Variants in IFT57 observed in about 807,000 individuals in gnomAD.
IFT57 encodes intraflagellar transport protein 57 homolog.
Under a neutral mutation model 56.8 loss-of-function variants are expected in IFT57, and 59 were observed. That is an observed-to-expected ratio of 1.04 (90% CI 0.84 to 1.29). The LOEUF is 1.29. Among genes scored for constraint, IFT57 ranks in the 50% most tolerant of loss-of-function variants. The probability of loss-of-function intolerance (pLI) is 0.00; values close to 1 mark genes in which losing one functional copy is unlikely to be tolerated. For synonymous variants in IFT57, 209 were observed against 186.1 expected (o/e 1.12, Z -1.00); for missense variants, 470 against 522.1 (o/e 0.90, Z 0.97).
chr3:108,212,688 T>C (rs2080349319), intron 4 of IFT57, among the ~76,000 whole-genome samples: 2 of 152,372 alleles, frequency 1.3e-5, no homozygotes, highest in South Asian at 4.1e-4. Flanking sequence ...GCATCTAATC[T>C]ATTTAATAGT....
chr3:108,176,041 T>C (rs1459065981), intron 6 of IFT57, among the ~76,000 whole-genome samples: 2 of 151,824 alleles, frequency 1.3e-5, no homozygotes, highest in African/African-American at 4.8e-5. Flanking sequence ...GTTGAATCAC[T>C]TTCCATCAAA....
intron 6 of IFT57, among the ~76,000 whole-genome samples, chr3:108,183,542 C>T (rs533950943): frequency 1.3e-5 from 2 of 152,132 alleles, no homozygotes; most frequent in African/African-American, 4.8e-5. Flanking sequence ...CTAGTTTAGC[C>T]CACCTGAAGA....
At chr3:108,176,985 A>C (rs1473878197) in intron 6 of IFT57, among the ~76,000 whole-genome samples, 1 of 151,838 alleles carries the variant, frequency 6.6e-6, no homozygotes, top group Non-Finnish European at 1.5e-5. Flanking sequence ...TTTTAAGCAG[A>C]CTGTAAACTC....
intron 5 of IFT57, among the ~76,000 whole-genome samples, chr3:108,203,762 A>G (rs2080292927): frequency 6.6e-6 from 1 of 152,252 alleles, no homozygotes; most frequent in South Asian, 2.1e-4. Context: ...AAAATAAATC[A>G]GTAATTAATA....
At chr3:108,192,130 C>G (rs747183718) in intron 5 of IFT57, among the ~76,000 whole-genome samples, 26 of 134,098 alleles carry the variant, frequency 1.9e-4, no homozygotes, top group Non-Finnish European at 3.7e-4. Flanking sequence ...CAAGATCATG[C>G]TACTGCACTA....
intron 5 of IFT57, among the ~76,000 whole-genome samples, chr3:108,204,775 CTT>C (rs910530829): frequency 5.3e-5 from 8 of 152,148 alleles, no homozygotes; most frequent in African/African-American, 1.9e-4. Flanking sequence ...AAGCAATAGA[CTT>C]GGAGTTTGGA....
chr3:108,191,400 T>G, intron 6 of IFT57, 121 bp downstream of exon 6: 1 of 570,668 alleles, frequency 1.8e-6, no homozygotes, highest in East Asian at 3.2e-5. Context: ...TAAGACAAAA[T>G]GCTGAAAACT....
intron 6 of IFT57, among the ~76,000 whole-genome samples, chr3:108,190,504 C>T (rs933691750): frequency 2.0e-5 from 3 of 152,198 alleles, no homozygotes; most frequent in African/African-American, 7.2e-5. Context: ...ACTTCTTCTC[C>T]TTCCTGCGGC....
intron 1 of IFT57, among the ~76,000 whole-genome samples, chr3:108,220,573 C>A (rs982447505): frequency 1.3e-5 from 2 of 152,138 alleles, no homozygotes; most frequent in Non-Finnish European, 2.9e-5. Flanking sequence ...AGCACCCACC[C>A]ACCAAAAAGT....
intron 6 of IFT57, among the ~76,000 whole-genome samples, chr3:108,180,899 A>G (rs1457991496): frequency 6.6e-6 from 1 of 152,064 alleles, no homozygotes; most frequent in Non-Finnish European, 1.5e-5. Context: ...TTTTAATTAT[A>G]ATCAATGTGT....
intron 5 of IFT57, among the ~76,000 whole-genome samples, chr3:108,197,616 A>G (rs912018853): frequency 5.9e-5 from 9 of 152,230 alleles, no homozygotes; most frequent in African/African-American, 2.2e-4. Flanking sequence ...TCATGGATAT[A>G]CTAGTGTCCA....
At chr3:108,173,593 A>G (rs561586971) in intron 6 of IFT57, among the ~76,000 whole-genome samples, 1 of 151,910 alleles carries the variant, frequency 6.6e-6, no homozygotes, top group East Asian at 1.9e-4. Flanking sequence ...CACAAACTCT[A>G]CTTTATAATA....
At chr3:108,196,878 T>A (rs1181083564) in intron 5 of IFT57, among the ~76,000 whole-genome samples, 2 of 152,204 alleles carry the variant, frequency 1.3e-5, no homozygotes, top group Non-Finnish European at 2.9e-5. Context: ...AATAACTTGA[T>A]ACATTAACTG....
rs2080410714 is a variant in IFT57, at chr3:108,222,246, C to G, written c.77G>C (p.Gly26Ala). ...GVPRSRGEGTGEVVLERGPGA... is the reference protein window; with the variant it reads ...GVPRSRGEGTAEVVLERGPGA... ...GGGCCCCCGCTCCAAGACCACTTCC[C>G]CGGTCCCTTCGCCACGGGACCTAGG... is the stretch of plus-strand genomic sequence containing the variant. The change falls in exon 1 of 11, where the codon GGG becomes GCG. Residue 26 changes from glycine (G) to alanine (A), a missense_variant. Coordinates refer to ENST00000264538, the MANE Select transcript of IFT57 (RefSeq NM_018010.4). The G allele has an allele frequency of 6.2e-7, 1 of 1,613,990 alleles. No homozygotes were observed.
chr3:108,166,380 CATTTT>C (rs1309207523), intron 8 of IFT57, among the ~76,000 whole-genome samples: 4 of 152,070 alleles, frequency 2.6e-5, no homozygotes, highest in Non-Finnish European at 5.9e-5. Context: ...AAATTTGTCT[CATTTT>C]ATTAATTAAA....
chr3:108,201,045 T>A (rs901529814), intron 5 of IFT57, among the ~76,000 whole-genome samples: 1 of 152,290 alleles, frequency 6.6e-6, no homozygotes, highest in African/African-American at 2.4e-5. Context: ...GTTATAATAA[T>A]CTCAAAACAA....
intron 6 of IFT57, among the ~76,000 whole-genome samples, chr3:108,176,149 C>G (rs1242133235): frequency 6.6e-6 from 1 of 151,812 alleles, no homozygotes; most frequent in Non-Finnish European, 1.5e-5. Flanking sequence ...ACCGGTGAAA[C>G]CTTAATTCAA....
chr3:108,166,500 ATTC>A (rs1412835571), intron 8 of IFT57, among the ~76,000 whole-genome samples: 7 of 152,176 alleles, frequency 4.6e-5, no homozygotes, highest in African/African-American at 1.4e-4. Context: ...AATGCATACT[ATTC>A]TTCTTCCTCC....
At chr3:108,198,203 A>T (rs1194812423) in intron 5 of IFT57, among the ~76,000 whole-genome samples, 1 of 152,176 alleles carries the variant, frequency 6.6e-6, no homozygotes, top group Non-Finnish European at 1.5e-5. Flanking sequence ...AAGCTCTAAA[A>T]CACCTTAGCA....
Sources: allele counts gnomAD v4.1 joint callset (sites outside exome capture counted in the v4.1 genomes callset), GRCh38; gene constraint gnomAD v4.1.1; transcripts MANE v1.5; gene names NCBI Gene and HGNC (gene_info 2026-07-23, HGNC 2026-07-21).